The following THSD4 variants were observed in gnomAD, a reference collection of about 807,000 sequenced individuals.
The protein encoded by THSD4 is thrombospondin type 1 domain containing 4, also known as thrombospondin type-1 domain-containing protein 4.
In THSD4, 69 loss-of-function variants were observed where a neutral mutation model predicts 119.0. The observed-to-expected ratio is 0.58, with a 90% CI of 0.48 to 0.71. THSD4 has a LOEUF of 0.71. Ranked by LOEUF, THSD4 falls within the 30% of genes least tolerant of loss-of-function variation. THSD4 has a pLI of 0.00. For missense variants in THSD4, 1,393 were observed against 1,391.1 expected, an observed-to-expected ratio of 1.00 and a Z score of -0.02; for synonymous variants, 524 against 540.4, an observed-to-expected ratio of 0.97 and a Z score of 0.42.
chr15:71,629,140 A>T (rs2050566032), intron 7 of THSD4, among the ~76,000 whole-genome samples: 1 of 152,130 alleles, frequency 6.6e-6, no homozygotes, highest in African/African-American at 2.4e-5. Flanking sequence ...GGTTGGCTCA[A>T]TCTGAATAAA....
chr15:71,154,642 G>A (rs891008985), intron 2 of THSD4, among the ~76,000 whole-genome samples: 2 of 152,220 alleles, frequency 1.3e-5, no homozygotes, highest in African/African-American at 4.8e-5. Flanking sequence ...CAGGAAGGCT[G>A]GGATGTGATC....
chr15:71,404,718 G>T (rs1417637974), intron 6 of THSD4, among the ~76,000 whole-genome samples: 2 of 151,916 alleles, frequency 1.3e-5, no homozygotes, highest in South Asian at 2.1e-4. Flanking sequence ...CTTCTGATAT[G>T]CGAGGATAAC....
intron 7 of THSD4, among the ~76,000 whole-genome samples, chr15:71,511,185 G>C (rs2048278392): frequency 6.6e-6 from 1 of 152,176 alleles, no homozygotes; most frequent in African/African-American, 2.4e-5. Flanking sequence ...AGGGGGAAGA[G>C]AGTTGGACTG....
In THSD4 at chr15:71,667,432, C is replaced by T. The variant is rs143165463; in HGVS notation, c.1357+6698C>T. 1.1e-4 allele frequency among the ~76,000 whole-genome samples: 16 copies of T among 152,236 alleles called. No individual in the cohort carries two copies. The East Asian group carries it at 2.3e-3, about 22-fold the overall frequency. On this transcript the variant is annotated intron_variant, in intron 8 of 17. Coordinates refer to ENST00000261862, the MANE Select transcript of THSD4 (RefSeq NM_024817.3). ...ATCAGACATAAAAGCATACCAAGCA[C>T]AAATTGATTATACAAGACATGTACC...
At chr15:71,114,313 C>G (rs1364071943), upstream of THSD4, among the ~76,000 whole-genome samples, 1 of 151,948 alleles carries the variant, frequency 6.6e-6, no homozygotes, top group Non-Finnish European at 1.5e-5. Context: ...CTGCCTGGCT[C>G]TGGGGCAGGG....
At chr15:71,346,757 G>T (rs74772182) in intron 6 of THSD4, among the ~76,000 whole-genome samples, 13 of 151,408 alleles carry the variant, frequency 8.6e-5, no homozygotes, top group Admixed American at 3.3e-4. Flanking sequence ...TCTTATGTAT[G>T]TAAGCACATA....
At chr15:71,624,282 G>C (rs2050470296) in intron 7 of THSD4, among the ~76,000 whole-genome samples, 1 of 152,230 alleles carries the variant, frequency 6.6e-6, no homozygotes, top group Non-Finnish European at 1.5e-5. Flanking sequence ...CTATGTGGGG[G>C]ATTCAGCTCT....
intron 6 of THSD4, among the ~76,000 whole-genome samples, chr15:71,383,363 A>G (rs2046250925): frequency 6.6e-6 from 1 of 152,182 alleles, no homozygotes; most frequent in Non-Finnish European, 1.5e-5. Context: ...AGCTAGGTAG[A>G]ACATTTATAT....
intron 7 of THSD4, among the ~76,000 whole-genome samples, chr15:71,608,363 T>C (rs967712011): frequency 2.6e-5 from 4 of 152,040 alleles, no homozygotes; most frequent in African/African-American, 4.8e-5. Flanking sequence ...TACTTCTTTC[T>C]GGATTATATA....
At chr15:71,736,428 T>G (rs1006730639) in intron 10 of THSD4, among the ~76,000 whole-genome samples, 7 of 151,852 alleles carry the variant, frequency 4.6e-5, no homozygotes, top group Non-Finnish European at 8.8e-5. Context: ...TCTCTTGCTG[T>G]CTTTGTCTCT....
chr15:71,158,895 T>C (rs2043226309), intron 3 of THSD4, among the ~76,000 whole-genome samples: 1 of 152,226 alleles, frequency 6.6e-6, no homozygotes, highest in African/African-American at 2.4e-5. Flanking sequence ...TTCTAAAATC[T>C]TTGCCCAGCC....
chr15:71,246,002 C>T (rs145606800), intron 5 of THSD4, among the ~76,000 whole-genome samples: 1 of 152,234 alleles, frequency 6.6e-6, no homozygotes, highest in East Asian at 1.9e-4. Flanking sequence ...ATCTGTCCTC[C>T]CCAGTGTCCA....
chr15:71,585,115 A>G (rs745474147), intron 7 of THSD4, among the ~76,000 whole-genome samples: 20 of 152,230 alleles, frequency 1.3e-4, no homozygotes, highest in Non-Finnish European at 2.8e-4. Flanking sequence ...AAAGTAATTT[A>G]TATGCCACCA....
chr15:71,373,755 G>T (rs1035299661), intron 6 of THSD4, among the ~76,000 whole-genome samples: 2 of 152,168 alleles, frequency 1.3e-5, no homozygotes, highest in Non-Finnish European at 2.9e-5. Context: ...TCCAAAATCT[G>T]TGACTCTGTG....
At chr15:71,741,318 C>A (rs906883820) in intron 11 of THSD4, among the ~76,000 whole-genome samples, 4 of 152,036 alleles carry the variant, frequency 2.6e-5, no homozygotes, top group African/African-American at 7.2e-5. Flanking sequence ...TGGCAAAAAA[C>A]CCTGTCCTCA....
At chr15:71,649,682 C>T (rs1030780742) in intron 7 of THSD4, among the ~76,000 whole-genome samples, 1 of 152,146 alleles carries the variant, frequency 6.6e-6, no homozygotes, top group African/African-American at 2.4e-5. Flanking sequence ...TTTGCCAGTT[C>T]CTATGTCCAG....
chr15:71,366,359 T>C (rs945032233), intron 6 of THSD4, among the ~76,000 whole-genome samples: 2 of 152,140 alleles, frequency 1.3e-5, no homozygotes, highest in Non-Finnish European at 2.9e-5. Context: ...AGCTCCCGGC[T>C]GTCCAAGATT....
At chr15:71,121,509 C>T (rs1203194044) in intron 1 of THSD4, among the ~76,000 whole-genome samples, 1 of 152,136 alleles carries the variant, frequency 6.6e-6, no homozygotes, top group Admixed American at 6.5e-5. Flanking sequence ...TGTTTGACCC[C>T]TGACCCTCAC....
At chr15:71,220,385 C>G (rs1326171548) in intron 4 of THSD4, among the ~76,000 whole-genome samples, 1 of 152,174 alleles carries the variant, frequency 6.6e-6, no homozygotes, top group East Asian at 1.9e-4. Context: ...TAGTATAAAT[C>G]CTACTCTAAA....
Sources: allele counts gnomAD v4.1 joint callset (sites outside exome capture counted in the v4.1 genomes callset), GRCh38; gene constraint gnomAD v4.1.1; transcripts MANE v1.5; gene names NCBI Gene and HGNC (gene_info 2026-07-23, HGNC 2026-07-21).